The following TEK variants were observed in gnomAD, a reference collection of about 807,000 sequenced individuals.
TEK encodes the protein TEK receptor tyrosine kinase.
A neutral mutation model predicts 131.8 loss-of-function variants in TEK; 43 were observed. That is an observed-to-expected ratio of 0.33 (90% confidence interval 0.26 to 0.42). The LOEUF (loss-of-function observed/expected upper bound fraction) is 0.42, where lower values mean the gene tolerates loss of function less well. TEK is among the 10% of genes least tolerant of loss of function. The probability of loss-of-function intolerance (pLI) is 1.00; values close to 1 mark genes in which losing one functional copy is unlikely to be tolerated. For synonymous variants in TEK, 580 were observed against 491.6 expected (o/e 1.18, Z -2.38); for missense variants, 1,162 against 1,384.4 (o/e 0.84, Z 2.55).
intron 1 of TEK, among the ~76,000 whole-genome samples, chr9:27,143,365 G>A (rs1564057032): frequency 6.6e-6 from 1 of 152,172 alleles, no homozygotes; most frequent in East Asian, 1.9e-4. Context: ...CCTGAACCCA[G>A]TGGGACATAG....
chr9:27,208,331 T>C (rs931110294), intron 15 of TEK, among the ~76,000 whole-genome samples: 2 of 151,416 alleles, frequency 1.3e-5, no homozygotes, highest in Non-Finnish European at 2.9e-5. Flanking sequence ...ACTCCTTTCC[T>C]TGCCACCCAA....
chr9:27,164,109 G>T (rs1031353988), intron 2 of TEK, among the ~76,000 whole-genome samples: 1 of 152,124 alleles, frequency 6.6e-6, no homozygotes, highest in Non-Finnish European at 1.5e-5. Context: ...CATCCAGAGC[G>T]AGATTCCTTG....
chr9:27,196,305 G>T (rs1194126475), intron 11 of TEK, among the ~76,000 whole-genome samples: 1 of 152,030 alleles, frequency 6.6e-6, no homozygotes, highest in South Asian at 2.1e-4. Flanking sequence ...ATTTATTAAA[G>T]CAGTTTCCTA....
At chr9:27,165,202 G>T (rs556752632) in intron 2 of TEK, among the ~76,000 whole-genome samples, 20 of 152,304 alleles carry the variant, frequency 1.3e-4, no homozygotes, top group African/African-American at 4.3e-4. Context: ...GCCTACTGGG[G>T]AACCTTGGTT....
At chr9:27,177,227 A>G (rs916880381) in intron 6 of TEK, among the ~76,000 whole-genome samples, 1 of 152,232 alleles carries the variant, frequency 6.6e-6, no homozygotes, top group African/African-American at 2.4e-5. Context: ...TTGCTGGATC[A>G]TATGGCAGTT....
chr9:27,216,058 G>A (rs1053365629), intron 18 of TEK, among the ~76,000 whole-genome samples: 1 of 152,184 alleles, frequency 6.6e-6, no homozygotes, highest in Non-Finnish European at 1.5e-5. Flanking sequence ...GGGGTGTATT[G>A]CAGAGAGGAA....
chr9:27,175,435 C>A (rs1824129687), intron 6 of TEK, among the ~76,000 whole-genome samples: 1 of 151,782 alleles, frequency 6.6e-6, no homozygotes, highest in African/African-American at 2.4e-5. Context: ...GTGAATAGTG[C>A]CACAATAAAC....
At chr9:27,165,431 A>T (rs564577326) in intron 2 of TEK, among the ~76,000 whole-genome samples, 1 of 152,226 alleles carries the variant, frequency 6.6e-6, no homozygotes, top group South Asian at 2.1e-4. Context: ...CAGAAGCCCC[A>T]CAAAGACAGC....
At chr9:27,220,195 T>G in intron 21 of TEK, 50 bp downstream of exon 21, 5 of 1,579,760 alleles carry the variant, frequency 3.2e-6, no homozygotes, top group Non-Finnish European at 4.3e-6. Context: ...TCCCCCTGTG[T>G]GTTTCTGGGG....
chr9:27,217,776 T>C lies in TEK; in HGVS notation c.3062+18T>C, dbSNP rs1564105781. ...AGTGATGTGTGAGTAAACTTCTTAT[T>C]GCCAAGGGATTTTTTTTCCCTCCCA... On this transcript the variant is annotated intron_variant, in intron 19 of 22. Coordinates refer to ENST00000380036, the MANE Select transcript of TEK (RefSeq NM_000459.5). The C allele has an allele frequency of 1.3e-6, 2 of 1,533,032 alleles. No individual in the cohort carries two copies. Among genetic ancestry groups the C allele is most frequent in the Non-Finnish European group, 1.7e-6 (2 of 1,148,972 alleles). 95.0% of individuals were successfully genotyped at this position (1,533,032 alleles called of 1,614,324 possible).
At chr9:27,215,589 G>T (rs957904422) in intron 18 of TEK, among the ~76,000 whole-genome samples, 2 of 150,462 alleles carry the variant, frequency 1.3e-5, no homozygotes. Flanking sequence ...AGTTACCCAG[G>T]GTGATTTTAA....
chr9:27,134,000 C>G (rs868529046), intron 1 of TEK, among the ~76,000 whole-genome samples: 21 of 152,170 alleles, frequency 1.4e-4, no homozygotes, highest in African/African-American at 3.6e-4. Context: ...AGGTTTGAAA[C>G]TGAACTGTGA....
chr9:27,110,242 A>T (rs615316), intron 1 of TEK, among the ~76,000 whole-genome samples: 142,682 of 151,462 alleles, frequency 0.94, 67,747 homozygotes, highest in East Asian at 1. Flanking sequence ...ATTTTAAAAA[A>T]TGTTTGCCAT....
Position 27,157,985 on chromosome 9 carries a change from G to C in TEK, c.207G>C (p.Gln69His), listed in dbSNP as rs775899168. The C allele has an allele frequency of 3.1e-6, 5 of 1,614,022 alleles. No homozygotes were observed. The South Asian group carries it at 5.5e-5, about 18-fold the overall frequency. Reference sequence around the variant, plus strand: ...TTGAAGCCTTAATGAACCAGCACCAGGATCCGCTGGAAGTTACTCAAGATG... The same window carrying C: ...TTGAAGCCTTAATGAACCAGCACCACGATCCGCTGGAAGTTACTCAAGATG... ...RDFEALMNQH[Q>H]DPLEVTQDVT... Residue 69 changes from glutamine (Q) to histidine (H), a missense_variant, in exon 2 of 23, where the codon CAG becomes CAC. Gln to His is a conservative substitution (Grantham distance 24, BLOSUM62 0). Around this residue, in one of 6 missense-constraint regions of TEK, gnomAD observed 436 missense variants for 539.1 expected, o/e 0.81. Coordinates refer to ENST00000380036, the MANE Select transcript of TEK (RefSeq NM_000459.5).
chr9:27,181,268 C>G (rs997359300), intron 7 of TEK, among the ~76,000 whole-genome samples: 1 of 152,100 alleles, frequency 6.6e-6, no homozygotes, highest in Non-Finnish European at 1.5e-5. Flanking sequence ...GCCTTCATGA[C>G]ATACCTTTTT....
In TEK at chr9:27,109,614, T is replaced by C. The variant is rs1212370508; in HGVS notation, c.24T>C (p.Val8=). ...GCATGGACTCTTTAGCCAGCTTAGTTCTCTGTGGAGTCAGCTTGCTCCTTT... is the reference window on the plus strand; with the variant it reads ...GCATGGACTCTTTAGCCAGCTTAGTCCTCTGTGGAGTCAGCTTGCTCCTTT... MDSLASL[V]LCGVSLLLSG... is the part of the protein sequence containing the mutation. Residue 8 remains valine (V), a synonymous_variant, in exon 1 of 23, where the codon GTT becomes GTC. Coordinates refer to ENST00000380036, the MANE Select transcript of TEK (RefSeq NM_000459.5). 1 of 1,614,202 alleles carries C rather than the reference T, an allele frequency of 6.2e-7. No individual in the cohort carries two copies. The highest frequency in any genetic ancestry group is 1.7e-5 in the Admixed American group (1 of 60,028).
intron 18 of TEK, among the ~76,000 whole-genome samples, chr9:27,215,850 C>T (rs1053601961): frequency 3.3e-5 from 5 of 152,094 alleles, no homozygotes; most frequent in African/African-American, 1.2e-4. Context: ...AAAGAAGGTG[C>T]ACTGAACCAA....
At chr9:27,178,985 A>C (rs1307861954) in intron 6 of TEK, among the ~76,000 whole-genome samples, 1 of 152,224 alleles carries the variant, frequency 6.6e-6, no homozygotes, top group Non-Finnish European at 1.5e-5. Flanking sequence ...AAATTTTTGA[A>C]TGTGTAAATT....
At chr9:27,137,836 T>G (rs879388325) in intron 1 of TEK, among the ~76,000 whole-genome samples, 12 of 152,162 alleles carry the variant, frequency 7.9e-5, no homozygotes, top group Non-Finnish European at 1.8e-4. Flanking sequence ...GTTGTATTAG[T>G]TCTTTTGTGT....
Sources: gnomAD v4.1 joint callset for allele counts (sites outside exome capture counted in the v4.1 genomes callset) on GRCh38, gnomAD v4.1.1 for gene constraint, gnomAD v4.1.1 regional missense constraint, MANE v1.5 for transcripts, NCBI Gene and HGNC (gene_info 2026-07-23, HGNC 2026-07-21) for gene names.